Variants in TAFA2 observed in about 807,000 individuals in gnomAD.
TAFA2 encodes TAFA chemokine like family member 2.
In TAFA2, 7 loss-of-function variants were observed where a neutral mutation model predicts 18.8. The ratio of observed to expected loss-of-function variants is 0.37; its 90% CI spans 0.21 to 0.70. TAFA2 has a LOEUF of 0.70. Ranked by LOEUF, TAFA2 falls within the 30% of genes least tolerant of loss-of-function variation. The probability of loss-of-function intolerance (pLI) is 0.53; values close to 1 mark genes in which losing one functional copy is unlikely to be tolerated. For synonymous variants in TAFA2, 60 were observed against 54.2 expected (o/e 1.11, Z -0.47); for missense variants, 122 against 158.1 (o/e 0.77, Z 1.23).
chr12:62,113,596 G>A (rs1272490889), intron 1 of TAFA2, among the ~76,000 whole-genome samples: 1 of 152,190 alleles, frequency 6.6e-6, no homozygotes, highest in Non-Finnish European at 1.5e-5. Context: ...GCCCAGAGCT[G>A]CCCCTTCCCC....
chr12:62,063,747 CAAA>C (rs1489217198), intron 1 of TAFA2, among the ~76,000 whole-genome samples: 1 of 151,882 alleles, frequency 6.6e-6, no homozygotes, highest in African/African-American at 2.4e-5. Flanking sequence ...TTCCTATAAT[CAAA>C]AACCTTTAAG....
At chr12:62,080,536 A>C (rs571002700) in intron 1 of TAFA2, among the ~76,000 whole-genome samples, 1 of 152,296 alleles carries the variant, frequency 6.6e-6, no homozygotes, top group African/African-American at 2.4e-5. Flanking sequence ...AAAAAAGTAA[A>C]AGTGAATCAT....
chr12:61,954,576 C>A (rs1181308264), intron 1 of TAFA2, among the ~76,000 whole-genome samples: 2 of 152,018 alleles, frequency 1.3e-5, no homozygotes, highest in Non-Finnish European at 2.9e-5. Context: ...GGTATTATTG[C>A]TTACAGATAT....
chr12:61,793,502 T>C (rs889096685), intron 2 of TAFA2, among the ~76,000 whole-genome samples: 1 of 151,446 alleles, frequency 6.6e-6, no homozygotes, highest in African/African-American at 2.4e-5. Flanking sequence ...TTAGGTGAAA[T>C]GGGTAAATTC....
intron 4 of TAFA2, among the ~76,000 whole-genome samples, chr12:61,749,993 C>CCCCCCCACA (rs1555161293): frequency 4.7e-5 from 7 of 148,782 alleles, no homozygotes; most frequent in African/African-American, 1.7e-4. Context: ...TCAAAACACC[C>CCCCCCCACA]CACACACACA....
In TAFA2 at chr12:62,220,058, A is replaced by C. The variant is rs552798724; in HGVS notation, c.-130+38705T>G. Among the ~76,000 whole-genome samples, 273 of 152,294 alleles carry C rather than the reference A, an allele frequency of 1.8e-3. 3 individuals are homozygous for C. The highest frequency in any genetic ancestry group is 6.3e-3 in the African/African-American group (264 of 41,582). On this transcript the variant is annotated intron_variant, in intron 1 of 5. Coordinates refer to the TAFA2 transcript ENST00000551619. ...GTTACCAAAAATAAAACAACTGCTC[A>C]GATGCAATTGTTTTATTTAATAAAG...
At chr12:62,225,142 T>A (rs564102601) in intron 1 of TAFA2, among the ~76,000 whole-genome samples, 4 of 151,922 alleles carry the variant, frequency 2.6e-5, no homozygotes, top group Non-Finnish European at 5.9e-5. Flanking sequence ...GCGGGCTTAG[T>A]TTAATCAATT....
rs199512181 is a variant in TAFA2 at position 62,115,125 on chromosome 12, TAATTTTAATTCTAAGCCTAG to T, written c.-2+76114_-2+76133del. On this transcript the variant is annotated intron_variant, in intron 1 of 4. Coordinates refer to ENST00000416284, the MANE Select transcript of TAFA2 (RefSeq NM_178539.5). ...CCTATAATTTGTCTATTTTCCATTT[TAATTTTAATTCTAAGCCTAG>T]AATTTTAATTCTAAGCCTAGAAAAG... is the stretch of plus-strand genomic sequence containing the variant. 8.0e-3 allele frequency among the ~76,000 whole-genome samples: 1,221 copies of T among 152,324 alleles called. 10 individuals carry two copies. Among genetic ancestry groups the T allele is most frequent in the Non-Finnish European group, 0.013 (881 of 68,036 alleles).
At chr12:61,847,764 G>A (rs753800367) in intron 2 of TAFA2, among the ~76,000 whole-genome samples, 26 of 152,264 alleles carry the variant, frequency 1.7e-4, no homozygotes, top group Non-Finnish European at 3.1e-4. Context: ...TTAGAGCTGC[G>A]TGTCTTTGTC....
chr12:61,730,300 G>T (rs77401121), intron 4 of TAFA2, among the ~76,000 whole-genome samples: 1 of 152,048 alleles, frequency 6.6e-6, no homozygotes. Context: ...TTTCTTCCTC[G>T]GAGCAGGGTT....
intron 4 of TAFA2, among the ~76,000 whole-genome samples, chr12:61,742,916 T>A (rs1036896823): frequency 3.9e-5 from 6 of 152,016 alleles, no homozygotes; most frequent in African/African-American, 1.4e-4. Flanking sequence ...CATACCTCCT[T>A]CAATTCTGTT....
chr12:61,744,926 A>C (rs1457177902), intron 4 of TAFA2, among the ~76,000 whole-genome samples: 1 of 152,094 alleles, frequency 6.6e-6, no homozygotes, highest in Non-Finnish European at 1.5e-5. Flanking sequence ...TATCTAATTA[A>C]AGAAAAAGAT....
At chr12:62,049,882 C>T (rs748670050) in intron 1 of TAFA2, among the ~76,000 whole-genome samples, 3 of 152,276 alleles carry the variant, frequency 2.0e-5, no homozygotes, top group Middle Eastern at 3.4e-3. Context: ...GCAGAATTGA[C>T]GTGATACCAC....
intron 1 of TAFA2, among the ~76,000 whole-genome samples, chr12:62,025,466 A>C (rs917813763): frequency 1.3e-5 from 2 of 152,034 alleles, no homozygotes; most frequent in East Asian, 2.0e-4. Flanking sequence ...TTGAACGAGA[A>C]AAAATTCTGA....
intron 4 of TAFA2, among the ~76,000 whole-genome samples, chr12:61,712,234 C>G (rs531769607): frequency 6.6e-6 from 1 of 152,190 alleles, no homozygotes; most frequent in South Asian, 2.1e-4. Context: ...TCCTCTTGAT[C>G]CACTTCAAGC....
intron 1 of TAFA2, among the ~76,000 whole-genome samples, chr12:62,006,066 C>T (rs948956487): frequency 1.3e-5 from 2 of 152,046 alleles, no homozygotes; most frequent in African/African-American, 4.8e-5. Flanking sequence ...TCTTTCTTCT[C>T]TCAATTTATT....
chr12:62,166,916 T>G (rs950143446), intron 1 of TAFA2, among the ~76,000 whole-genome samples: 12 of 152,200 alleles, frequency 7.9e-5, no homozygotes, highest in African/African-American at 2.4e-4. Context: ...ATTTCAGCTA[T>G]TATTTTCTTT....
At chr12:62,003,041 A>T (rs1880431223) in intron 1 of TAFA2, among the ~76,000 whole-genome samples, 1 of 152,094 alleles carries the variant, frequency 6.6e-6, no homozygotes, top group Admixed American at 6.5e-5. Context: ...CCTTGCATAC[A>T]TCCTTTACTC....
chr12:61,792,341 A>G (rs971515797), intron 2 of TAFA2, among the ~76,000 whole-genome samples: 1 of 151,662 alleles, frequency 6.6e-6, no homozygotes, highest in African/African-American at 2.4e-5. Context: ...CAGTAGATTG[A>G]CTACAGTTAA....
Sources: allele counts gnomAD v4.1 joint callset (sites outside exome capture counted in the v4.1 genomes callset), GRCh38; gene constraint gnomAD v4.1.1; transcripts MANE v1.5; gene names NCBI Gene and HGNC (gene_info 2026-07-23, HGNC 2026-07-21).